The following ZNF804B variants were observed in gnomAD, a reference collection of about 807,000 sequenced individuals.
ZNF804B encodes zinc finger 804B.
ZNF804B carries 80 observed loss-of-function variants against 101.4 expected under a neutral mutation model. The observed-to-expected ratio is 0.79, with a 90% CI of 0.66 to 0.95. ZNF804B has a LOEUF of 0.95. Ranked by LOEUF, ZNF804B falls within the 40% of genes least tolerant of loss-of-function variation. The pLI, the probability that ZNF804B is intolerant of heterozygous loss-of-function variation, is 0.00. For synonymous variants in ZNF804B, 622 were observed against 558.8 expected (o/e 1.11, Z -1.59); for missense variants, 1,673 against 1,561.9 (o/e 1.07, Z -1.20).
At chr7:88,880,548 TC>T (rs1465674416) in intron 1 of ZNF804B, among the ~76,000 whole-genome samples, 3 of 152,158 alleles carry the variant, frequency 2.0e-5, no homozygotes, top group African/African-American at 7.2e-5. Flanking sequence ...TATTTTAAAG[TC>T]TTTATAAAAA....
At chr7:88,910,997 T>C (rs1033818427) in intron 1 of ZNF804B, among the ~76,000 whole-genome samples, 2 of 151,982 alleles carry the variant, frequency 1.3e-5, no homozygotes. Flanking sequence ...GGCATTTGTA[T>C]TAGGAAATAA....
At chr7:88,906,459 G>T (rs1196682643) in intron 1 of ZNF804B, among the ~76,000 whole-genome samples, 4 of 152,096 alleles carry the variant, frequency 2.6e-5, no homozygotes, top group Non-Finnish European at 2.9e-5. Context: ...TAATTTCAAA[G>T]AATTTTTAAA....
rs560619047 is a variant in ZNF804B, at chr7:88,971,939, G to A, written c.108+211855G>A. ...TGTTTCATTTGGTTTATCTTTTACCGCTTTTCCAGTTTACCAGAGTTGTAG... is the reference window on the plus strand; with the variant it reads ...TGTTTCATTTGGTTTATCTTTTACCACTTTTCCAGTTTACCAGAGTTGTAG... On this transcript the variant is annotated intron_variant, in intron 1 of 3. Coordinates refer to ENST00000333190, the MANE Select transcript of ZNF804B (RefSeq NM_181646.5). Among the ~76,000 whole-genome samples, 8 of 151,442 alleles carry A rather than the reference G, an allele frequency of 5.3e-5. No individual in the cohort carries two copies. The South Asian group carries it at 6.2e-4, about 12-fold the overall frequency.
chr7:89,022,607 G>A (rs749795878), intron 1 of ZNF804B, among the ~76,000 whole-genome samples: 1 of 152,154 alleles, frequency 6.6e-6, no homozygotes, highest in South Asian at 2.1e-4. Flanking sequence ...AGTGTTTTCT[G>A]TAACTCCCTA....
At chr7:88,798,428 C>A (rs1790524810) in intron 1 of ZNF804B, among the ~76,000 whole-genome samples, 1 of 152,046 alleles carries the variant, frequency 6.6e-6, no homozygotes, top group Non-Finnish European at 1.5e-5. Flanking sequence ...TATGAACTAT[C>A]ATTTCTGTAA....
chr7:89,256,509 T>C (rs921995892), intron 2 of ZNF804B, among the ~76,000 whole-genome samples: 9 of 148,138 alleles, frequency 6.1e-5, no homozygotes, highest in Non-Finnish European at 1.2e-4. Flanking sequence ...TGGGCCGCTG[T>C]ATGCCAGCCT....
intron 1 of ZNF804B, among the ~76,000 whole-genome samples, chr7:89,058,857 C>G (rs565679136): frequency 6.6e-6 from 1 of 152,252 alleles, no homozygotes; most frequent in East Asian, 1.9e-4. Flanking sequence ...CCATATCCAG[C>G]TAATCTTTGC....
At position 89,218,139 on chromosome 7, in the gene ZNF804B, G is replaced by GTT; in HGVS notation, c.109-15_109-14insTT. 2 of 1,607,804 alleles carry GTT rather than the reference G, an allele frequency of 1.2e-6. No homozygotes were observed. Among genetic ancestry groups the GTT allele is most frequent in the Non-Finnish European group, 1.7e-6 (2 of 1,177,698 alleles). ...AGAGAGAAGTCTAACCAACATTTAT[G>GTT]TATTTTTTCTTAAAGGATTTTGCAG... is the stretch of plus-strand genomic sequence containing the variant. On this transcript the variant is annotated splice_polypyrimidine_tract_variant and intron_variant, in intron 1 of 3. Coordinates refer to ENST00000333190, the MANE Select transcript of ZNF804B (RefSeq NM_181646.5).
rs1791949739 is a variant in ZNF804B at position 88,877,006 on chromosome 7, A to ATATATATATAT, written c.108+116922_108+116923insTATATATATAT. ...TTATACAGAGAATATTTGAAAAAAA[A>ATATATATATAT]AATATATATATATATATATAATATA... On this transcript the variant is annotated intron_variant, in intron 1 of 3. Transcript: ENST00000333190. 3.6e-4 allele frequency among the ~76,000 whole-genome samples: 30 copies of ATATATATATAT among 84,264 alleles called. 1 individual carries two copies. Among genetic ancestry groups the ATATATATATAT allele is most frequent in the Non-Finnish European group, 5.0e-4 (25 of 50,388 alleles). The allele number at this position is 84,264 out of a possible 152,430, so 55.3% of individuals were successfully genotyped here.
intron 2 of ZNF804B, among the ~76,000 whole-genome samples, chr7:89,309,772 A>G (rs1430457108): frequency 1.6e-5 from 1 of 62,346 alleles, no homozygotes; most frequent in Non-Finnish European, 4.2e-5. Context: ...AAAAAAAAAA[A>G]AAAAAAAAAA....
chr7:89,166,535 A>G (rs1477761635), intron 1 of ZNF804B, among the ~76,000 whole-genome samples: 1 of 152,208 alleles, frequency 6.6e-6, no homozygotes, highest in East Asian at 1.9e-4. Context: ...GTCTGTCTGC[A>G]ATAGTAGGCA....
chr7:88,845,301 G>GCACACACACACACACACACA (rs372272018), intron 1 of ZNF804B, among the ~76,000 whole-genome samples: 198 of 150,030 alleles, frequency 1.3e-3, no homozygotes, highest in South Asian at 4.4e-3. Flanking sequence ...GCACGCGCGC[G>GCACACACACACACACACACA]CACACACACA....
chr7:88,949,024 G>A (rs1356064266), intron 1 of ZNF804B, among the ~76,000 whole-genome samples: 1 of 151,466 alleles, frequency 6.6e-6, no homozygotes, highest in African/African-American at 2.4e-5. Flanking sequence ...TATGAGTTGA[G>A]AAAGCGTTGG....
At chr7:88,908,110 G>A (rs1248080257) in intron 1 of ZNF804B, among the ~76,000 whole-genome samples, 1 of 151,774 alleles carries the variant, frequency 6.6e-6, no homozygotes, top group Non-Finnish European at 1.5e-5. Context: ...AGACGATAAA[G>A]TAATTACAAT....
intron 1 of ZNF804B, among the ~76,000 whole-genome samples, chr7:89,205,884 G>C (rs572017069): frequency 6.6e-6 from 1 of 152,276 alleles, no homozygotes; most frequent in East Asian, 1.9e-4. Context: ...CTTCTTCATT[G>C]CCCTAGCAGA....
intron 1 of ZNF804B, among the ~76,000 whole-genome samples, chr7:88,929,741 T>A (rs1792855790): frequency 6.6e-6 from 1 of 151,982 alleles, no homozygotes; most frequent in Admixed American, 6.6e-5. Flanking sequence ...ATCTGAGAAA[T>A]CCTATTGCAA....
intron 1 of ZNF804B, among the ~76,000 whole-genome samples, chr7:88,885,971 G>T (rs1457135582): frequency 6.6e-6 from 1 of 152,018 alleles, no homozygotes; most frequent in Non-Finnish European, 1.5e-5. Context: ...ATTTAAATGG[G>T]AAGTCTGAAT....
intron 2 of ZNF804B, among the ~76,000 whole-genome samples, chr7:89,287,313 T>C (rs1433725813): frequency 6.6e-6 from 1 of 152,122 alleles, no homozygotes; most frequent in Non-Finnish European, 1.5e-5. Flanking sequence ...TATACATATG[T>C]ATACATACAC....
intron 1 of ZNF804B, among the ~76,000 whole-genome samples, chr7:89,026,798 T>G (rs1788759233): frequency 6.6e-6 from 1 of 152,094 alleles, no homozygotes; most frequent in African/African-American, 2.4e-5. Flanking sequence ...GAAGTTCCAA[T>G]TTAGACACGA....
Sources: gnomAD v4.1 joint callset for allele counts (sites outside exome capture counted in the v4.1 genomes callset) on GRCh38, gnomAD v4.1.1 for gene constraint, MANE v1.5 for transcripts, NCBI Gene and HGNC (gene_info 2026-07-23, HGNC 2026-07-21) for gene names.